The following MLLT1 variants were observed in gnomAD, a reference collection of about 807,000 sequenced individuals.
MLLT1 encodes the protein protein ENL.
A neutral mutation model predicts 55.1 loss-of-function variants in MLLT1; 11 were observed. That is an observed-to-expected ratio of 0.20 (90% CI 0.13 to 0.33). The LOEUF (loss-of-function observed/expected upper bound fraction) is 0.33. MLLT1 is among the 10% of genes least tolerant of loss of function. MLLT1 has a pLI of 1.00. For synonymous variants in MLLT1, 323 were observed against 320.1 expected (o/e 1.01, Z -0.10); for missense variants, 536 against 760.6 (o/e 0.70, Z 3.47).
intron 3 of MLLT1, among the ~76,000 whole-genome samples, chr19:6,245,509 G>A (rs1000746526): frequency 6.7e-6 from 1 of 149,178 alleles, no homozygotes; most frequent in African/African-American, 2.5e-5. Context: ...AGGAGATCGA[G>A]ACCATCCTGG....
Position 6,218,060 on chromosome 19 carries a change from TG to T in MLLT1, c.1111-20del. The stretch of plus-strand genomic sequence containing the variant: ...GGGCAGACTTCACCCAATGGTGGGA[TG>T]GGCAGGGAGGGGAGAAAGGGAGAGC... On this transcript the variant is annotated intron_variant, in intron 6 of 11. Transcript: ENST00000252674. 6.3e-7 allele frequency: 1 copy of T among 1,597,444 alleles called. No individual in the cohort carries two copies. Among genetic ancestry groups the T allele is most frequent in the Non-Finnish European group, 8.5e-7 (1 of 1,172,206 alleles).
At position 6,257,239 on chromosome 19, in the gene MLLT1, A is replaced by G. The variant is rs1306727928; in HGVS notation, c.276+4989T>C. Among the ~76,000 whole-genome samples, 4 of 152,084 alleles carry G rather than the reference A, an allele frequency of 2.6e-5. No homozygotes were observed. The East Asian group carries it at 7.7e-4, about 29-fold the overall frequency. On this transcript the variant is annotated intron_variant, in intron 3 of 11. Coordinates refer to ENST00000252674, the MANE Select transcript of MLLT1 (RefSeq NM_005934.4). The stretch of plus-strand genomic sequence containing the variant: ...GGACATTATCAGGGCTGGGTGCGGC[A>G]GCTCACGCCTGTGATCCCAGCTAGT...
In MLLT1 at chr19:6,212,163, A is replaced by G; in HGVS notation, c.*879T>C. The G allele has an allele frequency of 9.4e-7, 1 of 1,066,128 alleles. No homozygotes were observed. Among genetic ancestry groups the G allele is most frequent in the Non-Finnish European group, 1.1e-6 (1 of 879,560 alleles). The allele number at this position is 1,066,128 out of a possible 1,614,324, so 66.0% of individuals were successfully genotyped here. A position where few individuals can be genotyped will look rare whatever the true frequency, so the allele number is the denominator to read the frequency against. ...GGCTGATGCGAGTCTGTCCGCGGAG[A>G]CTGTTGGCGCTAGTCTGAGTAGAGC... On this transcript the variant is annotated 3_prime_UTR_variant, in exon 12 of 12. Transcript: ENST00000252674.
intron 3 of MLLT1, among the ~76,000 whole-genome samples, chr19:6,242,610 A>T (rs965384270): frequency 6.6e-6 from 1 of 152,158 alleles, no homozygotes; most frequent in Non-Finnish European, 1.5e-5. Flanking sequence ...TGTACCCCTC[A>T]TGTGCTTTCT....
chr19:6,211,170 C>G lies in MLLT1; in HGVS notation c.*1872G>C, dbSNP rs1482347792. On this transcript the variant is annotated 3_prime_UTR_variant, in exon 12 of 12. Transcript: ENST00000252674. The surrounding 1 kb of genome is among the most constrained non-coding windows in gnomAD (Gnocchi z 4.6). Reference sequence around the variant, plus strand: ...GCAGCACGGGCCCCCGGTCAGCCCCCCTCAGGCCAGTTCCTTCAGTCCAAT... The same window carrying G: ...GCAGCACGGGCCCCCGGTCAGCCCCGCTCAGGCCAGTTCCTTCAGTCCAAT... 1.7e-5 allele frequency: 4 copies of G among 232,794 alleles called. No homozygotes were observed. The highest frequency in any genetic ancestry group is 1.8e-4 in the South Asian group (1 of 5,526). 14.4% of individuals were successfully genotyped at this position (232,794 alleles called of 1,614,324 possible). A position where few individuals can be genotyped will look rare whatever the true frequency, so the allele number is the denominator to read the frequency against.
intron 2 of MLLT1, among the ~76,000 whole-genome samples, chr19:6,265,991 G>C (rs75871849): frequency 6.6e-6 from 1 of 151,942 alleles, no homozygotes; most frequent in Non-Finnish European, 1.5e-5. Context: ...AAAAAGTTTT[G>C]GATCTTAAGC....
chr19:6,271,834 C>A (rs1367560583), intron 1 of MLLT1, among the ~76,000 whole-genome samples: 3 of 152,266 alleles, frequency 2.0e-5, no homozygotes, highest in African/African-American at 7.2e-5. Context: ...GCCGCCCTCC[C>A]GGGCCCCAGA....
intron 2 of MLLT1, chr19:6,263,206 T>A (rs1201425074): frequency 1.3e-5 from 2 of 152,190 alleles, no homozygotes; most frequent in African/African-American, 4.8e-5. Context: ...ATAAACAAAG[T>A]GCAGCATGAG....
At chr19:6,243,664 C>G (rs1477318712) in intron 3 of MLLT1, among the ~76,000 whole-genome samples, 7 of 57,926 alleles carry the variant, frequency 1.2e-4, no homozygotes, top group Non-Finnish European at 2.1e-4. Flanking sequence ...CTCGCCCCAG[C>G]CCCGCTTCAT....
chr19:6,258,148 AG>A (rs2091274274), intron 3 of MLLT1, among the ~76,000 whole-genome samples: 1 of 152,178 alleles, frequency 6.6e-6, no homozygotes, highest in Admixed American at 6.5e-5. Context: ...ATACACCCAG[AG>A]GAACTGAAAA....
At chr19:6,255,801 A>G (rs2091252041) in intron 3 of MLLT1, among the ~76,000 whole-genome samples, 1 of 152,226 alleles carries the variant, frequency 6.6e-6, no homozygotes, top group Non-Finnish European at 1.5e-5. Flanking sequence ...AACAAAACAC[A>G]GAGTTAGAGG....
In MLLT1 at chr19:6,227,754, C is replaced by T. The variant is rs1425364744; in HGVS notation, c.421-652G>A. On this transcript the variant is annotated intron_variant, in intron 4 of 11. Transcript: ENST00000252674. This position sits in a 1 kb window ranked among gnomAD's most constrained non-coding sequence, Gnocchi z 5.1. ...TGCTCCTGCGCTCCATCAGAGGCTACGGATGACGAAAGTTCTGGGGTCCTT... is the reference window on the plus strand; with the variant it reads ...TGCTCCTGCGCTCCATCAGAGGCTATGGATGACGAAAGTTCTGGGGTCCTT... Among the ~76,000 whole-genome samples, 1 of 152,146 alleles carries T rather than the reference C, an allele frequency of 6.6e-6. No homozygotes were observed. Among genetic ancestry groups the T allele is most frequent in the African/African-American group, 2.4e-5 (1 of 41,432 alleles).
chr19:6,250,900 T>C (rs7250781), intron 3 of MLLT1, among the ~76,000 whole-genome samples: 2,076 of 152,280 alleles, frequency 0.014, 59 homozygotes, highest in African/African-American at 0.045. Context: ...AGCAGAATGT[T>C]ACTTGGCCGT....
In MLLT1 at chr19:6,212,785, C is replaced by T. The variant is rs554291670; in HGVS notation, c.*257G>A. 8.3e-5 allele frequency: 79 copies of T among 948,822 alleles called. No homozygotes were observed. In the African/African-American group the frequency reaches 1.3e-3, roughly 16 times the overall value. The allele number at this position is 948,822 out of a possible 1,614,324, so 58.8% of individuals were successfully genotyped here. A position where few individuals can be genotyped will look rare whatever the true frequency, so the allele number is the denominator to read the frequency against. ...CTCTGCCCAGAGCTGCCTTCAACAC[C>T]AGCCGCTCTCTGAGGGGAGCCCAGA... On this transcript the variant is annotated 3_prime_UTR_variant, in exon 12 of 12. Transcript: ENST00000252674.
At chr19:6,277,066 T>A (rs1212535611) in intron 1 of MLLT1, among the ~76,000 whole-genome samples, 1 of 152,214 alleles carries the variant, frequency 6.6e-6, no homozygotes, top group Admixed American at 6.5e-5. Flanking sequence ...GGGGGGCTAG[T>A]GGGAGCGGAA....
chr19:6,236,884 G>A (rs1290263756), intron 3 of MLLT1, among the ~76,000 whole-genome samples: 1 of 152,238 alleles, frequency 6.6e-6, no homozygotes, highest in African/African-American at 2.4e-5. Flanking sequence ...CAGCCGGACT[G>A]TGCTGTGACC....
chr19:6,257,669 C>T (rs2091269013), intron 3 of MLLT1, among the ~76,000 whole-genome samples: 1 of 151,876 alleles, frequency 6.6e-6, no homozygotes, highest in Non-Finnish European at 1.5e-5. Context: ...GGCGTGGCAG[C>T]GGGAGTCTAT....
At chr19:6,218,142 G>T in intron 6 of MLLT1, 101 bp from the exon 7 acceptor site, 1 of 1,478,774 alleles carries the variant, frequency 6.8e-7, no homozygotes, top group South Asian at 1.4e-5. Flanking sequence ...CGCTGAGTGG[G>T]TCTCCCCCAG....
At chr19:6,271,241 A>G (rs1600220230) in intron 1 of MLLT1, among the ~76,000 whole-genome samples, 1 of 152,110 alleles carries the variant, frequency 6.6e-6, no homozygotes, top group East Asian at 1.9e-4. Flanking sequence ...CACTTTCACT[A>G]TCAAAAGTCA....
Sources: gnomAD v4.1 joint callset for allele counts (sites outside exome capture counted in the v4.1 genomes callset) on GRCh38, gnomAD v4.1.1 for gene constraint, Gnocchi (gnomAD v3.1) non-coding constraint, MANE v1.5 for transcripts, NCBI Gene and HGNC (gene_info 2026-07-23, HGNC 2026-07-21) for gene names.